BANP: variants seen among roughly 807,000 people sequenced by gnomAD.
BANP encodes BTG3 associated nuclear protein, also known as protein BANP.
A neutral mutation model predicts 68.1 loss-of-function variants in BANP; 11 were observed. The ratio of observed to expected loss-of-function variants is 0.16; its 90% confidence interval spans 0.10 to 0.27. The LOEUF is 0.27. BANP is among the 10% of genes least tolerant of loss of function. BANP has a pLI of 1.00. For missense variants in BANP, 504 were observed against 722.7 expected, an observed-to-expected ratio of 0.70 and a Z score of 3.47; for synonymous variants, 329 against 303.2, an observed-to-expected ratio of 1.09 and a Z score of -0.88.
At chr16:88,029,750 A>G (rs1048400854) in intron 8 of BANP, among the ~76,000 whole-genome samples, 10 of 152,240 alleles carry the variant, frequency 6.6e-5, no homozygotes, top group African/African-American at 2.4e-4. Context: ...GACAAGCAAC[A>G]GCACAGGACC....
intron 11 of BANP, among the ~76,000 whole-genome samples, chr16:88,045,131 CT>C (rs968781788): frequency 2.6e-5 from 4 of 151,870 alleles, no homozygotes; most frequent in Admixed American, 1.3e-4. Context: ...TATAAATGTG[CT>C]AGTTAAAAAA....
chr16:87,954,288 T>G (rs1286515676), intron 1 of BANP, among the ~76,000 whole-genome samples: 1 of 152,220 alleles, frequency 6.6e-6, no homozygotes, highest in East Asian at 1.9e-4. Flanking sequence ...CATAGTAGCT[T>G]ATTGTTACAC....
intron 9 of BANP, among the ~76,000 whole-genome samples, chr16:88,034,236 A>G (rs1193877317): frequency 1.3e-5 from 2 of 152,236 alleles, no homozygotes; most frequent in Admixed American, 6.5e-5. Context: ...TAAGCTTATT[A>G]ATTTGTTTGA....
chr16:87,976,151 A>C (rs1463666500), intron 2 of BANP, among the ~76,000 whole-genome samples: 1 of 152,244 alleles, frequency 6.6e-6, no homozygotes, highest in Non-Finnish European at 1.5e-5. Context: ...CCCTATAGAG[A>C]AGATCCTTGC....
chr16:88,067,364 C>T (rs1316672116), intron 12 of BANP, among the ~76,000 whole-genome samples: 2 of 152,148 alleles, frequency 1.3e-5, no homozygotes, highest in Non-Finnish European at 2.9e-5. Flanking sequence ...ATGGTTCCCA[C>T]CTACACCACA....
At chr16:87,982,676 G>A (rs1379783121) in intron 3 of BANP, 1 of 152,160 alleles carries the variant, frequency 6.6e-6, no homozygotes, top group Non-Finnish European at 1.5e-5. Flanking sequence ...GTTTCAGTTG[G>A]TTTCTTTAGC....
At chr16:88,045,317 A>T in intron 11 of BANP, among the ~76,000 whole-genome samples, 1 of 152,340 alleles carries the variant, frequency 6.6e-6, no homozygotes, top group Admixed American at 6.5e-5. Flanking sequence ...TGTTTGCCGC[A>T]GCTGTCCATG....
chr16:88,008,745 A>G lies in BANP; in HGVS notation c.655+2480A>G, dbSNP rs150105614. On this transcript the variant is annotated intron_variant, in intron 6 of 13. Coordinates refer to ENST00000682872, the MANE Select transcript of BANP (RefSeq NM_001386991.1). Reference sequence around the variant, plus strand: ...AGGCTTTGAGCAGAGTTTTATAGCCATCTTTACCACTGATTGTTCTCATCA... The same window carrying G: ...AGGCTTTGAGCAGAGTTTTATAGCCGTCTTTACCACTGATTGTTCTCATCA... 4.7e-4 allele frequency among the ~76,000 whole-genome samples: 71 copies of G among 152,338 alleles called. No individual in the cohort carries two copies. In the Middle Eastern group the frequency reaches 0.01, roughly 22 times the overall value.
chr16:87,959,935 G>C (rs1381378890), intron 1 of BANP: 2 of 152,792 alleles, frequency 1.3e-5, no homozygotes, highest in African/African-American at 2.4e-5. Context: ...TGCTGGGATG[G>C]CTGATCCGAG....
rs976220402 is a variant in BANP at position 87,957,377 on chromosome 16, G to A, written c.-69+5862G>A. ...GAAGGCTGGGCAGAATGGATCGGGGGTGTGTATTGGCTGCAGTCACCTCCC... is the reference window on the plus strand; with the variant it reads ...GAAGGCTGGGCAGAATGGATCGGGGATGTGTATTGGCTGCAGTCACCTCCC... On this transcript the variant is annotated intron_variant, in intron 1 of 13. Coordinates refer to ENST00000682872, the MANE Select transcript of BANP (RefSeq NM_001386991.1). This position sits in a 1 kb window ranked among gnomAD's most constrained non-coding sequence, Gnocchi z 4.3. Among the ~76,000 whole-genome samples, 2 of 152,216 alleles carry A rather than the reference G, an allele frequency of 1.3e-5. No individual in the cohort carries two copies. Among genetic ancestry groups the A allele is most frequent in the Non-Finnish European group, 2.9e-5 (2 of 68,032 alleles).
In BANP at chr16:88,065,331, A is replaced by G. The variant is rs1599055635; in HGVS notation, c.1376A>G (p.Gln459Arg). ...APSVFKASSG[Q>R]VLQGAQLIAV... ...TCCGTCTTCAAAGCCAGCAGTGGCC[A>G]GGTGAGTCCTTTGTACATCCCATCT... The change falls in exon 12 of 14, where the codon CAG (glutamine) becomes CGG (arginine). Residue 459 changes from glutamine (Q) to arginine (R), a missense_variant and splice_region_variant. Transcript: ENST00000682872. The G allele has an allele frequency of 2.2e-5, 17 of 770,650 alleles. No homozygotes were observed. In the East Asian group the frequency reaches 3.9e-4, roughly 18 times the overall value. The allele number at this position is 770,650 out of a possible 1,614,324, so 47.7% of individuals were successfully genotyped here. A position where few individuals can be genotyped will look rare whatever the true frequency, so the allele number is the denominator to read the frequency against.
At chr16:88,007,407 C>T (rs1411595177) in intron 6 of BANP, among the ~76,000 whole-genome samples, 3 of 152,152 alleles carry the variant, frequency 2.0e-5, no homozygotes, top group Non-Finnish European at 4.4e-5. Context: ...TAGCGGGGGC[C>T]TCTCTCCTGC....
At chr16:88,031,337 G>A (rs905433674) in intron 8 of BANP, among the ~76,000 whole-genome samples, 2 of 152,136 alleles carry the variant, frequency 1.3e-5, no homozygotes, top group African/African-American at 4.8e-5. Flanking sequence ...CTAGCATATT[G>A]CAAGTATCAA....
intron 6 of BANP, among the ~76,000 whole-genome samples, chr16:88,010,817 C>T (rs1283081923): frequency 1.3e-5 from 2 of 151,082 alleles, no homozygotes; most frequent in Admixed American, 6.6e-5. Flanking sequence ...GAATGCCATT[C>T]GTGCACGTGG....
intron 1 of BANP, among the ~76,000 whole-genome samples, chr16:87,971,971 T>C (rs2061210202): frequency 6.6e-6 from 1 of 152,044 alleles, no homozygotes. Context: ...TTAAAAAATA[T>C]TTTATGGAGT....
intron 5 of BANP, among the ~76,000 whole-genome samples, chr16:88,005,641 G>T (rs2070793526): frequency 6.6e-6 from 1 of 152,178 alleles, no homozygotes; most frequent in Admixed American, 6.5e-5. Flanking sequence ...GCGTACGTGG[G>T]AGTGCTGCTC....
intron 11 of BANP, among the ~76,000 whole-genome samples, chr16:88,063,161 C>T (rs554153596): frequency 6.6e-6 from 1 of 152,248 alleles, no homozygotes; most frequent in African/African-American, 2.4e-5. Flanking sequence ...TGACTGTTCT[C>T]AGAGCACGCT....
intron 4 of BANP, among the ~76,000 whole-genome samples, chr16:87,987,660 A>G (rs114473787): frequency 0.022 from 2,809 of 127,922 alleles, 94 homozygotes; most frequent in African/African-American, 0.079. Context: ...GGGTGAGACT[A>G]TGGTGAGCTG....
At chr16:88,058,664 C>A (rs2085811625) in intron 11 of BANP, among the ~76,000 whole-genome samples, 1 of 152,214 alleles carries the variant, frequency 6.6e-6, no homozygotes, top group African/African-American at 2.4e-5. Context: ...ACGTGTGTGT[C>A]CTGCCCCGGG....
Sources: allele counts gnomAD v4.1 joint callset (sites outside exome capture counted in the v4.1 genomes callset), GRCh38; gene constraint gnomAD v4.1.1; non-coding constraint Gnocchi (gnomAD v3.1); transcripts MANE v1.5; gene names NCBI Gene and HGNC (gene_info 2026-07-23, HGNC 2026-07-21).